RAP1GDS1: variants seen among roughly 807,000 people sequenced by gnomAD.
The protein encoded by RAP1GDS1 is RAP1, GTP-GDP dissociation stimulator 1.
A neutral mutation model predicts 71.1 loss-of-function variants in RAP1GDS1; 35 were observed. The observed-to-expected ratio is 0.49, with a 90% CI of 0.38 to 0.65. The LOEUF is 0.65. Ranked by LOEUF, RAP1GDS1 falls within the 30% of genes least tolerant of loss-of-function variation. The pLI, the probability that RAP1GDS1 is intolerant of heterozygous loss-of-function variation, is 0.00. For synonymous variants in RAP1GDS1, 229 were observed against 243.1 expected (o/e 0.94, Z 0.54); for missense variants, 663 against 706.1 (o/e 0.94, Z 0.69).
intron 1 of RAP1GDS1, among the ~76,000 whole-genome samples, chr4:98,264,252 C>T (rs1001193108): frequency 2.6e-5 from 4 of 151,984 alleles, no homozygotes; most frequent in Non-Finnish European, 4.4e-5. Context: ...AACAATTAGC[C>T]GGGTGTGGTG....
chr4:98,315,090 G>A (rs528994724), intron 2 of RAP1GDS1, among the ~76,000 whole-genome samples: 1 of 152,088 alleles, frequency 6.6e-6, no homozygotes, highest in Non-Finnish European at 1.5e-5. Context: ...TTTCTTTTTG[G>A]CTTAGAATAT....
At chr4:98,315,673 T>C (rs1335232405) in intron 2 of RAP1GDS1, among the ~76,000 whole-genome samples, 1 of 151,896 alleles carries the variant, frequency 6.6e-6, no homozygotes, top group Non-Finnish European at 1.5e-5. Flanking sequence ...AGGTGAAAAG[T>C]GGAAAGGGCA....
chr4:98,319,443 G>A (rs1731443172), intron 2 of RAP1GDS1, among the ~76,000 whole-genome samples: 1 of 151,936 alleles, frequency 6.6e-6, no homozygotes, highest in Admixed American at 6.6e-5. Flanking sequence ...TATTTTTTCA[G>A]TCTCATGTGT....
At chr4:98,394,278 GTTGT>G (rs933638909) in intron 6 of RAP1GDS1, among the ~76,000 whole-genome samples, 1 of 152,104 alleles carries the variant, frequency 6.6e-6, no homozygotes, top group Non-Finnish European at 1.5e-5. Context: ...TGAGAGGAGA[GTTGT>G]TTGTTACCCC....
At chr4:98,424,271 C>A (rs10050289) in intron 12 of RAP1GDS1, among the ~76,000 whole-genome samples, 1 of 152,062 alleles carries the variant, frequency 6.6e-6, no homozygotes, top group African/African-American at 2.4e-5. Context: ...TTTTGCTCTA[C>A]TCCAAGAGAA....
chr4:98,330,337 C>T (rs1331171117), intron 2 of RAP1GDS1, among the ~76,000 whole-genome samples: 1 of 152,242 alleles, frequency 6.6e-6, no homozygotes, highest in Non-Finnish European at 1.5e-5. Context: ...CTGTTGGGTA[C>T]ACCTCCCAGA....
chr4:98,344,436 A>G (rs748867315), intron 3 of RAP1GDS1, among the ~76,000 whole-genome samples: 2 of 152,202 alleles, frequency 1.3e-5, no homozygotes, highest in Non-Finnish European at 2.9e-5. Flanking sequence ...TAGAGACTCC[A>G]CAATTTTTAT....
At chr4:98,412,339 C>A (rs1037538198) in intron 7 of RAP1GDS1, among the ~76,000 whole-genome samples, 2 of 151,968 alleles carry the variant, frequency 1.3e-5, no homozygotes, top group Non-Finnish European at 2.9e-5. Flanking sequence ...ATAGTGAGAC[C>A]CTGTCTCTAC....
At chr4:98,385,369 C>G (rs1578679762) in intron 5 of RAP1GDS1, among the ~76,000 whole-genome samples, 1 of 151,678 alleles carries the variant, frequency 6.6e-6, no homozygotes, top group Non-Finnish European at 1.5e-5. Context: ...AATCATTGAT[C>G]ATGCACAAAT....
intron 4 of RAP1GDS1, among the ~76,000 whole-genome samples, chr4:98,365,760 T>G (rs1444884332): frequency 6.6e-6 from 1 of 152,244 alleles, no homozygotes; most frequent in African/African-American, 2.4e-5. Context: ...TTTTTACTGA[T>G]TGTTAATATA....
chr4:98,288,741 G>A (rs914347144), intron 1 of RAP1GDS1, among the ~76,000 whole-genome samples: 1 of 152,092 alleles, frequency 6.6e-6, no homozygotes, highest in African/African-American at 2.4e-5. Context: ...GTGTGAGATG[G>A]TATCTCATTG....
intron 7 of RAP1GDS1, among the ~76,000 whole-genome samples, chr4:98,413,548 CTCA>C (rs1747418015): frequency 1.3e-5 from 2 of 152,052 alleles, no homozygotes; most frequent in African/African-American, 4.8e-5. Context: ...AGGACATGAA[CTCA>C]TCATTTTTTA....
Position 98,343,207 on chromosome 4 carries a change from C to A in RAP1GDS1, c.181C>A (p.Gln61Lys). 1.2e-6 allele frequency: 2 copies of A among 1,605,716 alleles called. No individual in the cohort carries two copies. Among genetic ancestry groups the A allele is most frequent in the Non-Finnish European group, 1.7e-6 (2 of 1,172,414 alleles). Residue 61 changes from glutamine to lysine, a missense_variant, in exon 3 of 15, where the codon CAG becomes AAG. By Grantham distance (53) the Gln-to-Lys change is moderately conservative. Transcript: ENST00000408927. The stretch of plus-strand genomic sequence containing the variant: ...GCTGTTTGCAAGTCTGTTGACTCCA[C>A]AGTCTTCCTGCAAAGCCAAAGTAGC... ...LQLFASLLTP[Q>K]SSCKAKVANI...
At chr4:98,407,435 G>C (rs1405658510) in intron 7 of RAP1GDS1, among the ~76,000 whole-genome samples, 1 of 151,954 alleles carries the variant, frequency 6.6e-6, no homozygotes, top group Non-Finnish European at 1.5e-5. Flanking sequence ...GTGTCCATCA[G>C]TGGATGAGTG....
At chr4:98,275,350 G>A (rs1724053348) in intron 1 of RAP1GDS1, among the ~76,000 whole-genome samples, 1 of 152,058 alleles carries the variant, frequency 6.6e-6, no homozygotes, top group Non-Finnish European at 1.5e-5. Flanking sequence ...AATTTGTAGT[G>A]CATCCAGCAA....
At chr4:98,320,017 C>CACTGTGCCTAATTTAATAATTAA (rs1327223885) in intron 2 of RAP1GDS1, among the ~76,000 whole-genome samples, 1 of 152,146 alleles carries the variant, frequency 6.6e-6, no homozygotes, top group Non-Finnish European at 1.5e-5. Context: ...GATCCACTTC[C>CACTGTGCCTAATTTAATAATTAA]ACTTAATGAA....
At chr4:98,372,354 A>G (rs1740509132) in intron 4 of RAP1GDS1, among the ~76,000 whole-genome samples, 1 of 152,028 alleles carries the variant, frequency 6.6e-6, no homozygotes. Flanking sequence ...TTAAATAGAG[A>G]TGGGGTTTCA....
At chr4:98,372,154 T>G (rs1740477856) in intron 4 of RAP1GDS1, among the ~76,000 whole-genome samples, 1 of 152,020 alleles carries the variant, frequency 6.6e-6, no homozygotes, top group Non-Finnish European at 1.5e-5. Context: ...ATTACTGGCT[T>G]CTTGTGTTTT....
chr4:98,366,392 C>G (rs543127416), intron 4 of RAP1GDS1, among the ~76,000 whole-genome samples: 1 of 152,226 alleles, frequency 6.6e-6, no homozygotes, highest in East Asian at 1.9e-4. Flanking sequence ...ACACCTCTTT[C>G]TTTTGTAAAT....
Sources: gnomAD v4.1 joint callset for allele counts (sites outside exome capture counted in the v4.1 genomes callset) on GRCh38, gnomAD v4.1.1 for gene constraint, MANE v1.5 for transcripts, NCBI Gene and HGNC (gene_info 2026-07-23, HGNC 2026-07-21) for gene names.